PEX14: variants seen among roughly 807,000 people sequenced by gnomAD.
The protein encoded by PEX14 is peroxisomal membrane protein PEX14.
PEX14 carries 15 observed loss-of-function variants against 49.5 expected under a neutral mutation model. The observed-to-expected ratio is 0.30, with a 90% CI of 0.20 to 0.47. The LOEUF is 0.47. Ranked by LOEUF, PEX14 falls within the 20% of genes least tolerant of loss-of-function variation. The probability of loss-of-function intolerance (pLI) is 1.00; values close to 1 mark genes in which losing one functional copy is unlikely to be tolerated. For missense variants in PEX14, 398 were observed against 494.8 expected, an observed-to-expected ratio of 0.80 and a Z score of 1.86; for synonymous variants, 210 against 212.7, an observed-to-expected ratio of 0.99 and a Z score of 0.11.
chr1:10,505,605 T>A (rs1399674349), intron 2 of PEX14, among the ~76,000 whole-genome samples: 1 of 152,112 alleles, frequency 6.6e-6, no homozygotes, highest in East Asian at 1.9e-4. Flanking sequence ...CACAGTCTCC[T>A]GGGCTCAAGT....
chr1:10,484,759 T>G (rs1641340323), intron 1 of PEX14, among the ~76,000 whole-genome samples: 1 of 151,572 alleles, frequency 6.6e-6, no homozygotes. Context: ...CTTGTGTGGT[T>G]GTTGGTGGCA....
In PEX14 at chr1:10,630,097, G is replaced by A; in HGVS notation, c.*110G>A. On this transcript the variant is annotated 3_prime_UTR_variant, in exon 9 of 9. Transcript: ENST00000356607. This position sits in a 1 kb window ranked among gnomAD's most constrained non-coding sequence, Gnocchi z 4.1. The stretch of plus-strand genomic sequence containing the variant: ...GAGGGCAGCTTGGAGCCCAGGTAGG[G>A]GGCAGAGCTGTCCTCAGCTGCACTG... 1.3e-6 allele frequency: 2 copies of A among 1,527,064 alleles called. No homozygotes were observed. Among genetic ancestry groups the A allele is most frequent in the South Asian group, 2.4e-5 (2 of 84,444 alleles). The allele number at this position is 1,527,064 out of a possible 1,614,324, so 94.6% of individuals were successfully genotyped here. A position where few individuals can be genotyped will look rare whatever the true frequency, so the allele number is the denominator to read the frequency against.
chr1:10,546,847 T>C (rs558289208), intron 3 of PEX14, among the ~76,000 whole-genome samples: 35 of 151,858 alleles, frequency 2.3e-4, no homozygotes, highest in Non-Finnish European at 4.9e-4. Context: ...CCAGCCTGGG[T>C]GACAGAGTGA....
rs139411219 is a variant in PEX14, at chr1:10,539,263, G to C, written c.169+2966G>C. Among the ~76,000 whole-genome samples the C allele has an allele frequency of 6.6e-3, 1,002 of 152,162 alleles. 6 individuals are homozygous for C. The highest frequency in any genetic ancestry group is 0.012 in the Admixed American group (190 of 15,286). On this transcript the variant is annotated intron_variant, in intron 3 of 8. Coordinates refer to ENST00000356607, the MANE Select transcript of PEX14 (RefSeq NM_004565.3). The surrounding 1 kb of genome is among the most constrained non-coding windows in gnomAD (Gnocchi z 4.6). ...GCATTGGTTTGCAAAGGTCTTTCCT[G>C]TTACTTTTTTTTTGTTTTTTGTTTT...
intron 7 of PEX14, among the ~76,000 whole-genome samples, chr1:10,626,414 G>A (rs1641746308): frequency 6.6e-6 from 1 of 152,162 alleles, no homozygotes; most frequent in Admixed American, 6.5e-5. Flanking sequence ...CAGACTGCCC[G>A]GGTTTTCCTT....
At position 10,565,253 on chromosome 1, in the gene PEX14, AG is replaced by A. The variant is rs1404708770; in HGVS notation, c.169+28957del. On this transcript the variant is annotated intron_variant, in intron 3 of 8. Transcript: ENST00000356607. ...ATTGCATGACAGTGAATAATTGAGA[AG>A]CTCTGAAAGATACTATTTTCCTCTG... is the stretch of plus-strand genomic sequence containing the variant. 2.0e-5 allele frequency among the ~76,000 whole-genome samples: 3 copies of A among 152,318 alleles called. No homozygotes were observed. In the East Asian group the frequency reaches 5.8e-4, roughly 29 times the overall value.
intron 2 of PEX14, among the ~76,000 whole-genome samples, chr1:10,521,558 C>T (rs1638295652): frequency 6.6e-6 from 1 of 152,208 alleles, no homozygotes; most frequent in Non-Finnish European, 1.5e-5. Context: ...TTGTGAGTCT[C>T]TAAGCAGTAT....
At chr1:10,478,690 C>T (rs867762695) in intron 1 of PEX14, among the ~76,000 whole-genome samples, 8 of 151,942 alleles carry the variant, frequency 5.3e-5, no homozygotes, top group Non-Finnish European at 7.4e-5. Context: ...GCAATCCTTT[C>T]GTCTCAGCCT....
intron 3 of PEX14, among the ~76,000 whole-genome samples, chr1:10,576,499 T>C (rs144242984): frequency 2.0e-5 from 3 of 152,368 alleles, no homozygotes; most frequent in African/African-American, 7.2e-5. Flanking sequence ...CATTTCGTTT[T>C]AGTTTTTATG....
At chr1:10,604,712 C>T (rs1000810106) in intron 4 of PEX14, among the ~76,000 whole-genome samples, 14 of 152,068 alleles carry the variant, frequency 9.2e-5, no homozygotes, top group Admixed American at 2.0e-4. Flanking sequence ...CTGTCAGCTC[C>T]GACAGAGGAC....
intron 2 of PEX14, among the ~76,000 whole-genome samples, chr1:10,532,326 G>A (rs1376900477): frequency 6.6e-6 from 1 of 151,818 alleles, no homozygotes; most frequent in East Asian, 1.9e-4. Context: ...CCCCAAAATT[G>A]TGGAATTGGT....
At chr1:10,590,061 G>A (rs948741208) in intron 3 of PEX14, among the ~76,000 whole-genome samples, 32 of 152,298 alleles carry the variant, frequency 2.1e-4, no homozygotes, top group African/African-American at 5.3e-4. Context: ...CCTGGGGTCC[G>A]AGCCTGGCCC....
intron 1 of PEX14, among the ~76,000 whole-genome samples, chr1:10,485,988 C>G (rs59373135): frequency 6.6e-6 from 1 of 151,724 alleles, no homozygotes; most frequent in African/African-American, 2.4e-5. Flanking sequence ...GAACTCCTGA[C>G]CTCAGGTGAT....
At chr1:10,570,028 G>A (rs887509752) in intron 3 of PEX14, among the ~76,000 whole-genome samples, 1 of 152,018 alleles carries the variant, frequency 6.6e-6, no homozygotes, top group African/African-American at 2.4e-5. Context: ...GATGGTAGAT[G>A]TCCTGGCTTG....
At chr1:10,581,806 G>C (rs1175134102) in intron 3 of PEX14, among the ~76,000 whole-genome samples, 1 of 149,462 alleles carries the variant, frequency 6.7e-6, no homozygotes, top group African/African-American at 2.4e-5. Flanking sequence ...AATTTGAAAG[G>C]CTTTTTCGTT....
At chr1:10,491,774 G>A (rs563102682) in intron 1 of PEX14, among the ~76,000 whole-genome samples, 1 of 147,620 alleles carries the variant, frequency 6.8e-6, no homozygotes, top group Non-Finnish European at 1.5e-5. Context: ...TCCGCCTCCC[G>A]GGTTCAAGCG....
At position 10,630,066 on chromosome 1, in the gene PEX14, C is replaced by T; in HGVS notation, c.*79C>T. 6.3e-7 allele frequency: 1 copy of T among 1,583,088 alleles called. No individual in the cohort carries two copies. Among genetic ancestry groups the T allele is most frequent in the Non-Finnish European group, 8.5e-7 (1 of 1,171,126 alleles). On this transcript the variant is annotated 3_prime_UTR_variant, in exon 9 of 9. Coordinates refer to ENST00000356607, the MANE Select transcript of PEX14 (RefSeq NM_004565.3). The surrounding 1 kb of genome is among the most constrained non-coding windows in gnomAD (Gnocchi z 4.1). Reference sequence around the variant, plus strand: ...GGCCATACCCTGCCTCCCTCTCTGGCCCTGGGAGGGCAGCTTGGAGCCCAG... The same window carrying T: ...GGCCATACCCTGCCTCCCTCTCTGGTCCTGGGAGGGCAGCTTGGAGCCCAG...
chr1:10,624,247 G>A (rs1011668217), intron 6 of PEX14, 93 bp from the exon 7 acceptor site: 8 of 829,824 alleles, frequency 9.6e-6, no homozygotes, highest in South Asian at 2.7e-5. Flanking sequence ...TAGATGGAGC[G>A]GGAACACGGG....
At chr1:10,580,051 C>T (rs550991040) in intron 3 of PEX14, among the ~76,000 whole-genome samples, 8 of 151,858 alleles carry the variant, frequency 5.3e-5, no homozygotes, top group African/African-American at 1.7e-4. Context: ...ATGTTAAATA[C>T]ATAGGAAAAT....
Sources: allele counts gnomAD v4.1 joint callset (sites outside exome capture counted in the v4.1 genomes callset), GRCh38; gene constraint gnomAD v4.1.1; non-coding constraint Gnocchi (gnomAD v3.1); transcripts MANE v1.5; gene names NCBI Gene and HGNC (gene_info 2026-07-23, HGNC 2026-07-21).